Variants in NEBL observed in about 807,000 individuals in gnomAD.
NEBL encodes the protein nebulette.
A neutral mutation model predicts 140.2 loss-of-function variants in NEBL; 122 were observed. The observed-to-expected ratio is 0.87, with a 90% CI of 0.75 to 1.01. NEBL has a LOEUF of 1.01. NEBL is among the 50% of genes least tolerant of loss of function. The pLI is 0.00. For missense variants in NEBL, 1,365 were observed against 1,231.3 expected, an observed-to-expected ratio of 1.11 and a Z score of -1.62; for synonymous variants, 436 against 398.9, an observed-to-expected ratio of 1.09 and a Z score of -1.11.
At chr10:20,825,452 T>C (rs1839752287) in intron 18 of NEBL, among the ~76,000 whole-genome samples, 1 of 151,872 alleles carries the variant, frequency 6.6e-6, no homozygotes, top group Non-Finnish European at 1.5e-5. Context: ...AGGTCAGGTG[T>C]TTGAGACCAG....
chr10:21,109,005 G>A (rs899332282), intron 2 of NEBL, among the ~76,000 whole-genome samples: 3 of 152,048 alleles, frequency 2.0e-5, no homozygotes, highest in Non-Finnish European at 4.4e-5. Context: ...TCTCTTGCCC[G>A]ATTGCCCTGG....
intron 3 of NEBL, among the ~76,000 whole-genome samples, chr10:21,245,113 A>C (rs985250370): frequency 2.6e-5 from 4 of 152,132 alleles, no homozygotes; most frequent in African/African-American, 9.7e-5. Context: ...GCTGTGAGCT[A>C]TGATCATGTT....
intron 3 of NEBL, among the ~76,000 whole-genome samples, chr10:20,967,835 T>C (rs373326775): frequency 1.6e-4 from 24 of 152,292 alleles, no homozygotes; most frequent in African/African-American, 5.8e-4. Context: ...GTACACATTA[T>C]ATATAATCTT....
At chr10:20,952,904 C>CA (rs34713711) in intron 4 of NEBL, among the ~76,000 whole-genome samples, 14,858 of 62,302 alleles carry the variant, frequency 0.24, 2,370 homozygotes, top group East Asian at 0.47. Flanking sequence ...GACCCTGTCT[C>CA]AAAAAAAAAA....
chr10:20,944,617 G>A (rs1439485142), intron 4 of NEBL, among the ~76,000 whole-genome samples: 1 of 152,098 alleles, frequency 6.6e-6, no homozygotes, highest in Non-Finnish European at 1.5e-5. Context: ...TCTCACACCT[G>A]CCAACCTGAG....
intron 13 of NEBL, among the ~76,000 whole-genome samples, chr10:20,838,623 A>G (rs1219556568): frequency 2.6e-5 from 4 of 152,196 alleles, no homozygotes; most frequent in African/African-American, 9.7e-5. Context: ...TGTGGGTAAA[A>G]TATATCAACA....
At chr10:21,194,036 G>A (rs542086678) in intron 3 of NEBL, among the ~76,000 whole-genome samples, 1 of 152,044 alleles carries the variant, frequency 6.6e-6, no homozygotes, top group African/African-American at 2.4e-5. Flanking sequence ...GTACAGTACC[G>A]TGATCATAGC....
intron 4 of NEBL, among the ~76,000 whole-genome samples, chr10:20,958,512 C>T (rs1835910371): frequency 6.6e-6 from 1 of 152,196 alleles, no homozygotes. Context: ...GGCTCGATTT[C>T]CTGACTTCCT....
In NEBL at chr10:21,029,411, G is replaced by A; in HGVS notation, c.165-9210C>T. On this transcript the variant is annotated intron_variant, in intron 2 of 6. Transcript: ENST00000417816. ...CCCAGCAATCCAGAGAGGTTGAAAG[G>A]TTTTGGTTATGCTGAATTTGAGGAC... The A allele has an allele frequency of 2.5e-6, 4 of 1,611,454 alleles. No homozygotes were observed. The South Asian group carries it at 4.4e-5, about 18-fold the overall frequency.
At chr10:20,824,615 T>C (rs1839660102) in intron 18 of NEBL, among the ~76,000 whole-genome samples, 1 of 152,180 alleles carries the variant, frequency 6.6e-6, no homozygotes, top group East Asian at 1.9e-4. Flanking sequence ...AACTTTCCAT[T>C]TGAATACTAA....
intron 4 of NEBL, among the ~76,000 whole-genome samples, chr10:20,931,094 C>T (rs1834160643): frequency 7.1e-6 from 1 of 140,830 alleles, no homozygotes; most frequent in South Asian, 2.3e-4. Flanking sequence ...TCATAATTTT[C>T]TCAACCTTTC....
At position 20,812,912 on chromosome 10, in the gene NEBL, G is replaced by A. The variant is rs1277628627; in HGVS notation, c.2375C>T (p.Thr792Ile). ...GACGGGAGTAAAGCCTCTCCCCTTT[G>A]TTTTTTCAAAATCTTCATGGTATTT... ...MVKYHEDFEKTKGRGFTPVVD... is the reference protein window; with the variant it reads ...MVKYHEDFEKIKGRGFTPVVD... The change falls in exon 24 of 28, where the codon ACA becomes ATA. Residue 792 changes from threonine (T) to isoleucine (I), a missense_variant. This residue lies in a region of NEBL where 1,323 missense variants were observed against 1,154.8 expected (regional missense o/e 1.15). Coordinates refer to ENST00000377122, the MANE Select transcript of NEBL (RefSeq NM_006393.3). 2 of 1,613,802 alleles carry A rather than the reference G, an allele frequency of 1.2e-6. No homozygotes were observed. Among genetic ancestry groups the A allele is most frequent in the African/African-American group, 1.3e-5 (1 of 74,984 alleles).
At chr10:21,143,971 A>G (rs1839768049) in intron 2 of NEBL, among the ~76,000 whole-genome samples, 6 of 152,224 alleles carry the variant, frequency 3.9e-5, no homozygotes, top group Admixed American at 3.9e-4. Flanking sequence ...GAAAAAAAGA[A>G]ATGATGATTA....
intron 3 of NEBL, among the ~76,000 whole-genome samples, chr10:21,002,950 A>C (rs1002907388): frequency 3.3e-5 from 5 of 150,270 alleles, no homozygotes; most frequent in African/African-American, 1.2e-4. Context: ...AATGCCTTAG[A>C]CTGAACCCAT....
chr10:21,287,824 G>A (rs1843078869), intron 1 of NEBL, among the ~76,000 whole-genome samples: 2 of 151,862 alleles, frequency 1.3e-5, no homozygotes, highest in African/African-American at 4.8e-5. Context: ...TAGAAGAGAT[G>A]GAAAAAGGGT....
intron 2 of NEBL, among the ~76,000 whole-genome samples, chr10:21,095,937 C>T (rs930500242): frequency 2.6e-5 from 4 of 152,122 alleles, no homozygotes; most frequent in Non-Finnish European, 5.9e-5. Flanking sequence ...AGTCATTTAA[C>T]CTTGGTAGGT....
intron 2 of NEBL, among the ~76,000 whole-genome samples, chr10:21,140,789 C>T (rs565215991): frequency 1.3e-5 from 2 of 151,912 alleles, no homozygotes; most frequent in South Asian, 2.1e-4. Context: ...GGGGGCCTGT[C>T]GGGGAGTGGA....
chr10:20,913,984 T>C (rs1044914466), intron 4 of NEBL, among the ~76,000 whole-genome samples: 2 of 152,214 alleles, frequency 1.3e-5, no homozygotes, highest in African/African-American at 2.4e-5. Flanking sequence ...AATAGAGCTA[T>C]AGCAGACATG....
chr10:21,203,809 G>C (rs776395303), intron 3 of NEBL, among the ~76,000 whole-genome samples: 33 of 152,096 alleles, frequency 2.2e-4, no homozygotes, highest in Non-Finnish European at 4.1e-4. Flanking sequence ...GTCTGAACTC[G>C]GGATGACTGT....
Sources: gnomAD v4.1 joint callset for allele counts (sites outside exome capture counted in the v4.1 genomes callset) on GRCh38, gnomAD v4.1.1 for gene constraint, gnomAD v4.1.1 regional missense constraint, MANE v1.5 for transcripts, NCBI Gene and HGNC (gene_info 2026-07-23, HGNC 2026-07-21) for gene names.